PDGFRA: variants seen among roughly 807,000 people sequenced by gnomAD.
PDGFRA encodes the protein platelet-derived growth factor receptor alpha.
A neutral mutation model predicts 121.5 loss-of-function variants in PDGFRA; 25 were observed. That is an observed-to-expected ratio of 0.21 (90% CI 0.15 to 0.29). The LOEUF is 0.29. Among genes scored for constraint, PDGFRA ranks in the 10% least tolerant of loss-of-function variants. The pLI is 1.00. For synonymous variants in PDGFRA, 463 were observed against 494.8 expected (o/e 0.94, Z 0.85); for missense variants, 1,008 against 1,345.1 (o/e 0.75, Z 3.92).
chr4:54,273,741 C>T lies in PDGFRA; in HGVS notation c.1558+11C>T, dbSNP rs774681811. On this transcript the variant is annotated intron_variant, in intron 10 of 22. Coordinates refer to ENST00000257290, the MANE Select transcript of PDGFRA (RefSeq NM_006206.6). ...AGCTGGTGGCTCCCAGTGAGTTCCT[C>T]AACAGTCAGGACAACTCATCAGCTG... 43 of 1,609,340 alleles carry T rather than the reference C, an allele frequency of 2.7e-5. No individual in the cohort carries two copies. In the Admixed American group the frequency reaches 5.5e-4, roughly 21 times the overall value.
intron 1 of PDGFRA, among the ~76,000 whole-genome samples, chr4:54,231,012 G>A (rs902564317): frequency 3.9e-5 from 6 of 152,240 alleles, no homozygotes; most frequent in South Asian, 2.1e-4. Context: ...GCCTGGGCCG[G>A]GCCAGGTGTG....
At chr4:54,263,325 A>G (rs548626801) in intron 3 of PDGFRA, among the ~76,000 whole-genome samples, 2 of 152,132 alleles carry the variant, frequency 1.3e-5, no homozygotes, top group South Asian at 2.1e-4. Context: ...GGGTCTCTCT[A>G]TGTTGCCCAG....
intron 1 of PDGFRA, among the ~76,000 whole-genome samples, chr4:54,254,817 C>T (rs1206967639): frequency 2.0e-5 from 3 of 152,264 alleles, no homozygotes; most frequent in East Asian, 1.9e-4. Context: ...AGGCACATGC[C>T]GGGCTCCTCA....
At chr4:54,262,615 G>C (rs1722811162) in intron 3 of PDGFRA, among the ~76,000 whole-genome samples, 1 of 151,976 alleles carries the variant, frequency 6.6e-6, no homozygotes, top group Non-Finnish European at 1.5e-5. Flanking sequence ...TGTCCCCAGG[G>C]ATCTAGACCC....
In PDGFRA at chr4:54,261,355, C is replaced by G; in HGVS notation, c.310C>G (p.His104Asp). The change falls in exon 3 of 23, where the codon CAC (histidine) becomes GAC (aspartate). Residue 104 changes from histidine to aspartate, a missense_variant. His to Asp is a moderately conservative substitution (Grantham distance 81, BLOSUM62 -1). Transcript: ENST00000257290. ...HTGLYTCYYN[H>D]TQTEENELEG... is the part of the protein sequence containing the mutation. ...AGGGTTGTACACTTGCTATTACAAC[C>G]ACACTCAGACAGAAGAGAATGAGCT... 1 of 1,614,084 alleles carries G rather than the reference C, an allele frequency of 6.2e-7. No individual in the cohort carries two copies. The highest frequency in any genetic ancestry group is 8.5e-7 in the Non-Finnish European group (1 of 1,179,996).
intron 1 of PDGFRA, among the ~76,000 whole-genome samples, chr4:54,237,109 T>C (rs1197433654): frequency 6.6e-6 from 1 of 151,978 alleles, no homozygotes; most frequent in East Asian, 1.9e-4. Flanking sequence ...GCTGGGATTA[T>C]AGGTACCTGC....
chr4:54,272,247 T>C, intron 8 of PDGFRA, 147 bp from the exon 9 acceptor site: 2 of 779,010 alleles, frequency 2.6e-6, no homozygotes, highest in South Asian at 3.0e-5. Flanking sequence ...CTGTCTAAAC[T>C]GGAGTGTTAC....
chr4:54,264,345 C>T (rs533488607), intron 4 of PDGFRA: 60 of 285,632 alleles, frequency 2.1e-4, no homozygotes, highest in Middle Eastern at 1.2e-3. Context: ...ACAGTTAGTA[C>T]GCTTGGGGAA....
At chr4:54,239,598 A>G (rs1237273579) in intron 1 of PDGFRA, among the ~76,000 whole-genome samples, 6 of 152,172 alleles carry the variant, frequency 3.9e-5, no homozygotes, top group African/African-American at 1.4e-4. Flanking sequence ...CTCCTTGCCC[A>G]GATTCAACTT....
intron 13 of PDGFRA, 90 bp from the exon 14 acceptor site, chr4:54,277,806 A>G (rs1052742934): frequency 1.9e-5 from 16 of 839,534 alleles, no homozygotes; most frequent in East Asian, 5.0e-5. Context: ...ATGATATCCA[A>G]TCACAGGATT....
At chr4:54,237,288 G>A (rs1440287187) in intron 1 of PDGFRA, among the ~76,000 whole-genome samples, 2 of 152,138 alleles carry the variant, frequency 1.3e-5, no homozygotes, top group South Asian at 2.1e-4. Context: ...CACTTTATAT[G>A]TCAGTAAATA....
At chr4:54,269,101 A>T (rs1723191144) in intron 7 of PDGFRA, among the ~76,000 whole-genome samples, 1 of 152,114 alleles carries the variant, frequency 6.6e-6, no homozygotes, top group African/African-American at 2.4e-5. Context: ...TTCTTGGCCG[A>T]AGAAGTGAAG....
intron 1 of PDGFRA, among the ~76,000 whole-genome samples, chr4:54,253,872 G>A (rs1461341294): frequency 6.6e-6 from 1 of 151,830 alleles, no homozygotes; most frequent in African/African-American, 2.4e-5. Flanking sequence ...TTTAGTAGAG[G>A]TGGAGTTTCA....
At chr4:54,236,291 G>C (rs1460830831) in intron 1 of PDGFRA, among the ~76,000 whole-genome samples, 1 of 152,182 alleles carries the variant, frequency 6.6e-6, no homozygotes, top group Non-Finnish European at 1.5e-5. Context: ...CCTGACTTTA[G>C]ATGAGCTCCA....
intron 1 of PDGFRA, among the ~76,000 whole-genome samples, chr4:54,236,819 G>A (rs1248962706): frequency 1.3e-5 from 2 of 151,650 alleles, no homozygotes; most frequent in South Asian, 2.1e-4. Context: ...GAAAAAGAAA[G>A]AAAGAAAAAA....
intron 16 of PDGFRA, among the ~76,000 whole-genome samples, chr4:54,281,259 C>T (rs992807802): frequency 1.3e-5 from 2 of 152,152 alleles, no homozygotes; most frequent in African/African-American, 4.8e-5. Flanking sequence ...GTGAGCTTGC[C>T]TTTTTGGGTC....
chr4:54,232,429 G>T (rs918412643), intron 1 of PDGFRA, among the ~76,000 whole-genome samples: 1 of 152,202 alleles, frequency 6.6e-6, no homozygotes, highest in Admixed American at 6.5e-5. Context: ...TTGTAGGAGG[G>T]AATAATGGGA....
In PDGFRA at chr4:54,267,338, A is replaced by C. The variant is rs545359247; in HGVS notation, c.809A>C (p.Lys270Thr). ...GAAGAAATCAAAGTCCCATCCATCA[A>C]ATTGGTGTACACTTTGACGGTCCCC... ...MLEEIKVPSI[K>T]LVYTLTVPEA... The change falls in exon 6 of 23, where the codon AAA becomes ACA. Residue 270 changes from lysine (K) to threonine (T), a missense_variant. Around this residue, in one of 5 missense-constraint regions of PDGFRA, gnomAD observed 575 missense variants for 701.8 expected, o/e 0.82. Transcript: ENST00000257290. 1.5e-5 allele frequency: 25 copies of C among 1,614,152 alleles called. No individual in the cohort carries two copies. The South Asian group carries it at 2.7e-4, about 18-fold the overall frequency.
Position 54,295,143 on chromosome 4 carries a change from G to C in PDGFRA, c.3141G>C (p.Glu1047Asp), listed in dbSNP as rs1060501513. Reference protein sequence around the residue: ...RNRHSSQTSEESAIETGSSSS... With the variant: ...RNRHSSQTSEDSAIETGSSSS... ...CCTCCAGCTCGCAGACCTCTGAAGA[G>C]AGTGCCATTGAGACGGGTTCCAGCA... The change falls in exon 23 of 23, where the codon GAG becomes GAC. Residue 1047 changes from glutamate to aspartate, a missense_variant. By Grantham distance (45) the Glu-to-Asp change is conservative (BLOSUM62 2). Around this residue, in one of 5 missense-constraint regions of PDGFRA, gnomAD observed 204 missense variants for 243.0 expected, o/e 0.84. Transcript: ENST00000257290. The C allele has an allele frequency of 1.2e-6, 2 of 1,614,156 alleles. No homozygotes were observed. The highest frequency in any genetic ancestry group is 1.7e-6 in the Non-Finnish European group (2 of 1,180,012).
Sources: gnomAD v4.1 joint callset for allele counts (sites outside exome capture counted in the v4.1 genomes callset) on GRCh38, gnomAD v4.1.1 for gene constraint, gnomAD v4.1.1 regional missense constraint, MANE v1.5 for transcripts, NCBI Gene and HGNC (gene_info 2026-07-23, HGNC 2026-07-21) for gene names.